Variants in AUTS2 observed in about 807,000 individuals in gnomAD.
The protein encoded by AUTS2 is activator of transcription and developmental regulator AUTS2, also known as autism susceptibility gene 2 protein.
AUTS2 carries 17 observed loss-of-function variants against 112.4 expected under a neutral mutation model. The observed-to-expected ratio is 0.15, with a 90% confidence interval of 0.10 to 0.23. The LOEUF (loss-of-function observed/expected upper bound fraction) is 0.23. Ranked by LOEUF, AUTS2 falls within the 10% of genes least tolerant of loss-of-function variation. AUTS2 has a pLI of 1.00. For missense variants in AUTS2, 1,510 were observed against 1,701.6 expected (o/e 0.89, Z 1.98); for synonymous variants, 751 against 702.7 (o/e 1.07, Z -1.09).
chr7:70,698,006 G>C (rs932152931), intron 5 of AUTS2, among the ~76,000 whole-genome samples: 2 of 152,088 alleles, frequency 1.3e-5, no homozygotes, highest in African/African-American at 4.8e-5. Flanking sequence ...CGGATTTTGG[G>C]GCAGGCCGGC....
At chr7:70,324,552 C>T (rs1045485232) in intron 4 of AUTS2, among the ~76,000 whole-genome samples, 4 of 151,944 alleles carry the variant, frequency 2.6e-5, no homozygotes, top group Non-Finnish European at 4.4e-5. Context: ...TTGAGCCTAG[C>T]GGTTCAAGGC....
At chr7:70,419,463 G>A (rs962030271) in intron 4 of AUTS2, among the ~76,000 whole-genome samples, 7 of 152,034 alleles carry the variant, frequency 4.6e-5, no homozygotes, top group Non-Finnish European at 8.8e-5. Flanking sequence ...TTTGCTGTAA[G>A]GTTAAAAACG....
intron 4 of AUTS2, among the ~76,000 whole-genome samples, chr7:70,351,902 C>T (rs891692831): frequency 3.3e-5 from 5 of 152,028 alleles, no homozygotes; most frequent in African/African-American, 1.2e-4. Flanking sequence ...GTGGTTTCAC[C>T]ATGTTAGCCA....
At chr7:70,257,573 C>A (rs1786947542) in intron 4 of AUTS2, among the ~76,000 whole-genome samples, 1 of 151,826 alleles carries the variant, frequency 6.6e-6, no homozygotes, top group Admixed American at 6.6e-5. Flanking sequence ...CCGCCTCGAC[C>A]TGCCAAAGTG....
intron 1 of AUTS2, among the ~76,000 whole-genome samples, chr7:69,721,645 A>G (rs115316017): frequency 1.3e-5 from 2 of 152,342 alleles, no homozygotes; most frequent in African/African-American, 2.4e-5. Context: ...TATGCAATGT[A>G]TTACATAGTT....
At chr7:69,971,548 A>C (rs1797850728) in intron 2 of AUTS2, among the ~76,000 whole-genome samples, 1 of 152,226 alleles carries the variant, frequency 6.6e-6, no homozygotes, top group African/African-American at 2.4e-5. Flanking sequence ...GTGAAAATAC[A>C]GAACAACCAC....
chr7:70,709,670 C>G (rs1209257695), intron 6 of AUTS2, among the ~76,000 whole-genome samples: 4 of 152,206 alleles, frequency 2.6e-5, no homozygotes, highest in Admixed American at 2.0e-4. Flanking sequence ...GAGATAGGCG[C>G]TACCACACTC....
At chr7:69,876,250 C>T (rs1234317352) in intron 1 of AUTS2, among the ~76,000 whole-genome samples, 4 of 135,686 alleles carry the variant, frequency 2.9e-5, no homozygotes, top group Non-Finnish European at 4.6e-5. Flanking sequence ...GCCTGTACCT[C>T]GGGAGGCAGA....
intron 4 of AUTS2, among the ~76,000 whole-genome samples, chr7:70,363,855 A>C (rs1792405637): frequency 1.3e-5 from 2 of 152,348 alleles, no homozygotes; most frequent in Admixed American, 6.5e-5. Context: ...GGACTCTTAC[A>C]GTCCTCCTCT....
At chr7:69,626,057 G>A (rs889341091) in intron 1 of AUTS2, among the ~76,000 whole-genome samples, 1 of 152,146 alleles carries the variant, frequency 6.6e-6, no homozygotes, top group Non-Finnish European at 1.5e-5. Context: ...CAAGGAGGGG[G>A]CACCCCTTTG....
intron 4 of AUTS2, among the ~76,000 whole-genome samples, chr7:70,151,128 A>G (rs554823222): frequency 5.3e-5 from 8 of 152,216 alleles, no homozygotes; most frequent in Admixed American, 1.3e-4. Flanking sequence ...CAGGAAGAAC[A>G]AGGTAGCAAA....
Position 69,897,429 on chromosome 7 carries a change from C to T in AUTS2, c.310-1857C>T, listed in dbSNP as rs1238448191. 2.6e-5 allele frequency among the ~76,000 whole-genome samples: 4 copies of T among 152,116 alleles called. No individual in the cohort carries two copies. In the South Asian group the frequency reaches 6.2e-4, roughly 24 times the overall value. Reference sequence around the variant, plus strand: ...GAGAGCTTGTTTCTCATGGATGGTACCTGTTCTCACATGGTAGAGGGGCAA... The same window carrying T: ...GAGAGCTTGTTTCTCATGGATGGTATCTGTTCTCACATGGTAGAGGGGCAA... On this transcript the variant is annotated intron_variant, in intron 1 of 18. Transcript: ENST00000342771.
At chr7:70,372,287 G>A (rs1792873572) in intron 4 of AUTS2, among the ~76,000 whole-genome samples, 1 of 152,168 alleles carries the variant, frequency 6.6e-6, no homozygotes, top group African/African-American at 2.4e-5. Context: ...TCTTATAGAA[G>A]GTTTAAAATG....
rs893057660 is a variant in AUTS2 at position 69,981,430 on chromosome 7, AT to A, written c.522+81939del. 2.6e-4 allele frequency among the ~76,000 whole-genome samples: 39 copies of A among 152,232 alleles called. 1 individual carries two copies. The highest frequency in any genetic ancestry group is 2.0e-3 in the Admixed American group (31 of 15,270). On this transcript the variant is annotated intron_variant, in intron 2 of 18. Coordinates refer to ENST00000342771, the MANE Select transcript of AUTS2 (RefSeq NM_015570.4). Reference sequence around the variant, plus strand: ...ATTTTATAAGTGAATATGTAACTGTATTTTTTTATTTTGTATTTAAATTTTT... The same window carrying A: ...ATTTTATAAGTGAATATGTAACTGTATTTTTTATTTTGTATTTAAATTTTT...
intron 2 of AUTS2, among the ~76,000 whole-genome samples, chr7:69,965,404 G>A (rs1797598739): frequency 6.6e-6 from 1 of 152,186 alleles, no homozygotes; most frequent in Non-Finnish European, 1.5e-5. Context: ...GATTGATGCA[G>A]ATTGGGTGCT....
rs185857329 is a variant in AUTS2, at chr7:70,342,721, C to T, written c.661-93031C>T. Among the ~76,000 whole-genome samples the T allele has an allele frequency of 3.9e-5, 6 of 152,226 alleles. No individual in the cohort carries two copies. The East Asian group carries it at 9.7e-4, about 25-fold the overall frequency. ...CTTCCACCTCCTAACCACTGTACCCCACCTTACACATAGCTGCATCCTTAA... is the reference window on the plus strand; with the variant it reads ...CTTCCACCTCCTAACCACTGTACCCTACCTTACACATAGCTGCATCCTTAA... On this transcript the variant is annotated intron_variant, in intron 4 of 18. Transcript: ENST00000342771.
chr7:69,797,965 T>A (rs1789919667), intron 1 of AUTS2, among the ~76,000 whole-genome samples: 1 of 152,054 alleles, frequency 6.6e-6, no homozygotes, highest in South Asian at 2.1e-4. Context: ...TCAGGTAACT[T>A]GGCTATGCTA....
chr7:70,541,316 CA>C, intron 5 of AUTS2, among the ~76,000 whole-genome samples: 1 of 152,264 alleles, frequency 6.6e-6, no homozygotes, highest in East Asian at 1.9e-4. Flanking sequence ...GACAGAGACC[CA>C]TGCCACCTTT....
At chr7:70,277,421 A>G (rs1175536650) in intron 4 of AUTS2, among the ~76,000 whole-genome samples, 1 of 152,320 alleles carries the variant, frequency 6.6e-6, no homozygotes, top group East Asian at 1.9e-4. Context: ...AAAGAGGATC[A>G]CAAATGAGGG....
Sources: allele counts gnomAD v4.1 joint callset (sites outside exome capture counted in the v4.1 genomes callset), GRCh38; gene constraint gnomAD v4.1.1; transcripts MANE v1.5; gene names NCBI Gene and HGNC (gene_info 2026-07-23, HGNC 2026-07-21).